Variants in GAB4 observed in about 807,000 individuals in gnomAD.
GAB4 encodes the protein GRB2 associated binding protein family member 4.
A neutral mutation model predicts 51.3 loss-of-function variants in GAB4; 26 were observed. The ratio of observed to expected loss-of-function variants is 0.51; its 90% confidence interval spans 0.37 to 0.70. The LOEUF (loss-of-function observed/expected upper bound fraction) is 0.70, where lower values mean the gene tolerates loss of function less well. Ranked by LOEUF, GAB4 falls within the 30% of genes least tolerant of loss-of-function variation. GAB4 has a pLI of 0.00. For synonymous variants in GAB4, 329 were observed against 291.2 expected (o/e 1.13, Z -1.32); for missense variants, 759 against 734.6 (o/e 1.03, Z -0.38).
intron 2 of GAB4, among the ~76,000 whole-genome samples, chr22:16,990,799 G>A (rs918185025): frequency 2.0e-5 from 3 of 152,168 alleles, no homozygotes; most frequent in Non-Finnish European, 4.4e-5. Context: ...ACATTGCCTG[G>A]AGAGTTCTTA....
rs61743894 is a variant in GAB4, at chr22:16,987,996, G to A, written c.650C>T (p.Ser217Leu). The change falls in exon 3 of 10, where the codon TCG becomes TTG. Residue 217 changes from serine (S) to leucine (L), a missense_variant. Around this residue, in one of 3 missense-constraint regions of GAB4, gnomAD observed 588 missense variants for 510.2 expected, o/e 1.15. Transcript: ENST00000400588. The stretch of plus-strand genomic sequence containing the variant: ...TGCTCTCTGGCTGGCGTGCTGGTGC[G>A]AGCGGAGACACCCCGGAGGTGCAGG... ...PIPAPPGCLRSHQHASQRAEH... is the reference protein window; with the variant it reads ...PIPAPPGCLRLHQHASQRAEH... The A allele has an allele frequency of 4.3e-3, 6,961 of 1,609,096 alleles. 22 individuals are homozygous for A. Among genetic ancestry groups the A allele is most frequent in the Non-Finnish European group, 5.2e-3 (6,082 of 1,178,448 alleles).
chr22:16,986,922 C>CAGCAAAGT (rs1216100951), intron 3 of GAB4, among the ~76,000 whole-genome samples: 1 of 152,170 alleles, frequency 6.6e-6, no homozygotes, highest in Non-Finnish European at 1.5e-5. Context: ...ACCAGGGGTG[C>CAGCAAAGT]AGCAAAGTGT....
intron 3 of GAB4, among the ~76,000 whole-genome samples, chr22:16,982,044 A>ATC (rs760719161): frequency 6.6e-6 from 1 of 152,218 alleles, no homozygotes; most frequent in Non-Finnish European, 1.5e-5. Context: ...CAAACTGGGT[A>ATC]TCGAAGGAAC....
At chr22:16,963,046 C>A (rs899910993) in intron 9 of GAB4, among the ~76,000 whole-genome samples, 170 bp from the exon 10 acceptor site, 1 of 152,154 alleles carries the variant, frequency 6.6e-6, no homozygotes, top group African/African-American at 2.4e-5. Context: ...CCAGGCTAAC[C>A]TCTCCTCCTG....
At chr22:16,971,548 GA>G (rs1044094240) in intron 3 of GAB4, among the ~76,000 whole-genome samples, 250 of 152,256 alleles carry the variant, frequency 1.6e-3, no homozygotes, top group African/African-American at 5.4e-3. Flanking sequence ...TTAATGTGGG[GA>G]AAAAAGTAAG....
At position 16,965,366 on chromosome 22, in the gene GAB4, G is replaced by A. The variant is rs78306412; in HGVS notation, c.1289-98C>T. 8.4e-4 allele frequency: 677 copies of A among 806,842 alleles called. 5 individuals are homozygous for A. In the East Asian group the frequency reaches 0.015, roughly 18 times the overall value. The allele number at this position is 806,842 out of a possible 1,614,324, so 50.0% of individuals were successfully genotyped here. The stretch of plus-strand genomic sequence containing the variant: ...AGGTGTGCTTAGAAAGGCCCACCCC[G>A]TCCACCCAGTCCACCCAGCTGTGTG... On this transcript the variant is annotated intron_variant, in intron 6 of 9. Transcript: ENST00000400588.
rs1284981308 is a variant in GAB4, at chr22:17,008,128, C to T, written c.-14G>A. The T allele has an allele frequency of 1.3e-6, 2 of 1,585,232 alleles. No homozygotes were observed. The highest frequency in any genetic ancestry group is 1.7e-5 in the Admixed American group (1 of 58,096). Reference sequence around the variant, plus strand: ...CGGCAGGGACATGGGGGCTGCAGCTCACAGTGAAGGTGGGGGAGACAGGGC... The same window carrying T: ...CGGCAGGGACATGGGGGCTGCAGCTTACAGTGAAGGTGGGGGAGACAGGGC... On this transcript the variant is annotated 5_prime_UTR_variant, in exon 1 of 10. Coordinates refer to ENST00000400588, the MANE Select transcript of GAB4 (RefSeq NM_001037814.1).
At chr22:16,968,752 G>A (rs2060704308) in intron 4 of GAB4, among the ~76,000 whole-genome samples, 1 of 152,294 alleles carries the variant, frequency 6.6e-6, no homozygotes, top group African/African-American at 2.4e-5. Context: ...ACACATAAAT[G>A]TGAGCTCTGA....
intron 3 of GAB4, among the ~76,000 whole-genome samples, chr22:16,976,927 G>A (rs558147756): frequency 1.2e-4 from 18 of 152,214 alleles, no homozygotes; most frequent in African/African-American, 3.9e-4. Flanking sequence ...ACAAAGCTTC[G>A]TAAGTGAAGG....
chr22:16,997,123 T>C (rs1021109413), intron 1 of GAB4, among the ~76,000 whole-genome samples: 4 of 152,194 alleles, frequency 2.6e-5, no homozygotes, highest in African/African-American at 7.2e-5. Context: ...TGTGTCTTTA[T>C]AGTACAATGA....
intron 1 of GAB4, among the ~76,000 whole-genome samples, chr22:16,998,516 A>G (rs2060969072): frequency 6.6e-6 from 1 of 152,242 alleles, no homozygotes. Context: ...ACTTGGCTGA[A>G]GTTGCTTATC....
At chr22:17,005,442 A>G (rs1305075368) in intron 1 of GAB4, among the ~76,000 whole-genome samples, 2 of 152,202 alleles carry the variant, frequency 1.3e-5, no homozygotes, top group Admixed American at 1.3e-4. Flanking sequence ...TAATTTACAG[A>G]TTCATTGCTA....
chr22:16,967,339 G>C (rs2123645335), intron 5 of GAB4: 1 of 153,144 alleles, frequency 6.5e-6, no homozygotes. Flanking sequence ...CTGGATACCA[G>C]ACCCAGGCAG....
chr22:16,994,329 T>C (rs1420402276), intron 1 of GAB4, among the ~76,000 whole-genome samples: 1 of 152,126 alleles, frequency 6.6e-6, no homozygotes, highest in Non-Finnish European at 1.5e-5. Flanking sequence ...CAATAAGCCT[T>C]GGATTGAAAA....
intron 2 of GAB4, among the ~76,000 whole-genome samples, chr22:16,988,716 T>G (rs1275296647): frequency 6.6e-6 from 1 of 152,222 alleles, no homozygotes; most frequent in Non-Finnish European, 1.5e-5. Context: ...ACTGTTCATC[T>G]GGCTTGCTCT....
intron 1 of GAB4, among the ~76,000 whole-genome samples, chr22:17,004,367 C>T (rs1486933172): frequency 1.3e-5 from 2 of 152,106 alleles, no homozygotes; most frequent in Non-Finnish European, 2.9e-5. Flanking sequence ...CTAGCAGAGA[C>T]ACAACAAAAA....
chr22:16,970,352 T>G (rs2060720599), intron 3 of GAB4, among the ~76,000 whole-genome samples, 159 bp from the exon 4 acceptor site: 1 of 152,150 alleles, frequency 6.6e-6, no homozygotes, highest in Non-Finnish European at 1.5e-5. Context: ...GTTTGGGAGT[T>G]TACTACCTTG....
rs185057662 is a variant in GAB4 at position 16,984,174 on chromosome 22, T to C, written c.686+3786A>G. On this transcript the variant is annotated intron_variant, in intron 3 of 9. Transcript: ENST00000400588. ...GATAGACATTTCTCCAAAGAAGACA[T>C]CCAAATGGCCAACAGGTAAATGAAA... Among the ~76,000 whole-genome samples, 13 of 152,144 alleles carry C rather than the reference T, an allele frequency of 8.5e-5. No homozygotes were observed. In the East Asian group the frequency reaches 2.3e-3, roughly 27 times the overall value.
chr22:16,972,844 C>A (rs909728208), intron 3 of GAB4, among the ~76,000 whole-genome samples: 7 of 152,184 alleles, frequency 4.6e-5, no homozygotes, highest in Admixed American at 6.5e-5. Context: ...CCTAACCTCC[C>A]AGCTTAAACA....
Sources: gnomAD v4.1 joint callset for allele counts (sites outside exome capture counted in the v4.1 genomes callset) on GRCh38, gnomAD v4.1.1 for gene constraint, gnomAD v4.1.1 regional missense constraint, MANE v1.5 for transcripts, NCBI Gene and HGNC (gene_info 2026-07-23, HGNC 2026-07-21) for gene names.